Variants in TRHDE observed in about 807,000 individuals in gnomAD.
The protein encoded by TRHDE is thyrotropin releasing hormone degrading enzyme, also known as thyrotropin-releasing hormone-degrading ectoenzyme.
A neutral mutation model predicts 125.7 loss-of-function variants in TRHDE; 72 were observed. The ratio of observed to expected loss-of-function variants is 0.57; its 90% CI spans 0.47 to 0.70. The LOEUF (loss-of-function observed/expected upper bound fraction) is 0.70. TRHDE is among the 30% of genes least tolerant of loss of function. The probability of loss-of-function intolerance (pLI) is 0.00; values close to 1 mark genes in which losing one functional copy is unlikely to be tolerated. For synonymous variants in TRHDE, 509 were observed against 509.1 expected (o/e 1.00, Z 0.00); for missense variants, 1,110 against 1,327.1 (o/e 0.84, Z 2.54).
At chr12:72,444,529 C>T (rs1055441933) in intron 3 of TRHDE, among the ~76,000 whole-genome samples, 10 of 151,560 alleles carry the variant, frequency 6.6e-5, no homozygotes, top group Non-Finnish European at 8.8e-5. Flanking sequence ...CCAAGAAGTA[C>T]ATCCTGCTAA....
At chr12:72,179,919 G>C (rs563982982) in intron 2 of TRHDE, among the ~76,000 whole-genome samples, 12 of 152,124 alleles carry the variant, frequency 7.9e-5, no homozygotes, top group African/African-American at 2.6e-4. Context: ...GTTTCATAAA[G>C]GTACAGGCAG....
At chr12:72,201,738 A>G (rs537872465) in intron 2 of TRHDE, among the ~76,000 whole-genome samples, 1 of 152,304 alleles carries the variant, frequency 6.6e-6, no homozygotes, top group East Asian at 1.9e-4. Flanking sequence ...CATTAAAGGA[A>G]GCAGCAGTTA....
intron 18 of TRHDE, among the ~76,000 whole-genome samples, chr12:72,658,621 TACTG>T (rs375926249): frequency 5.9e-5 from 9 of 152,344 alleles, no homozygotes; most frequent in East Asian, 1.9e-4. Context: ...TTTTATCACA[TACTG>T]ACTGTTTTGT....
chr12:72,453,296 T>G (rs1875672330), intron 3 of TRHDE, among the ~76,000 whole-genome samples: 2 of 152,148 alleles, frequency 1.3e-5, no homozygotes. Flanking sequence ...CTTGGTTGGA[T>G]TGTGTAAATG....
intron 1 of TRHDE, among the ~76,000 whole-genome samples, chr12:72,275,543 T>A (rs1196933501): frequency 6.6e-6 from 1 of 152,240 alleles, no homozygotes; most frequent in East Asian, 1.9e-4. Context: ...CAAATTTGCA[T>A]ACTATGTTTA....
At chr12:72,607,601 T>C (rs1872500687) in intron 12 of TRHDE, among the ~76,000 whole-genome samples, 1 of 152,174 alleles carries the variant, frequency 6.6e-6, no homozygotes, top group South Asian at 2.1e-4. Context: ...GCATGCTCCA[T>C]AGTGACCAAT....
chr12:72,355,137 G>A (rs1050334394), intron 2 of TRHDE, among the ~76,000 whole-genome samples: 5 of 151,516 alleles, frequency 3.3e-5, no homozygotes, highest in East Asian at 1.9e-4. Context: ...CAAAAGGGAA[G>A]GTGCAAAATT....
intron 7 of TRHDE, among the ~76,000 whole-genome samples, chr12:72,551,345 C>A (rs1226547666): frequency 6.6e-6 from 1 of 152,108 alleles, no homozygotes; most frequent in African/African-American, 2.4e-5. Context: ...CCATTTGTTA[C>A]ACTGAATCTA....
chr12:72,365,991 G>A (rs1342487794), intron 2 of TRHDE, among the ~76,000 whole-genome samples: 1 of 151,898 alleles, frequency 6.6e-6, no homozygotes, highest in African/African-American at 2.4e-5. Context: ...CTCCATCTTT[G>A]CATCTTCACA....
chr12:72,528,652 C>T (rs1047171119), intron 6 of TRHDE, among the ~76,000 whole-genome samples: 1 of 152,026 alleles, frequency 6.6e-6, no homozygotes, highest in East Asian at 1.9e-4. Context: ...CCAAGCCTGG[C>T]TAATTTTTGT....
At position 72,272,691 on chromosome 12, in the gene TRHDE, G is replaced by A; in HGVS notation, c.48G>A (p.Lys16=). The change falls in exon 1 of 19, where the codon AAG becomes AAA. Residue 16 remains lysine, a synonymous_variant. Transcript: ENST00000261180. This position sits in a 1 kb window ranked among gnomAD's most constrained non-coding sequence, Gnocchi z 6.7. ...GGGAGCAAGAGGAGGAGAAGAAAAA[G>A]AAGAAGAAAAAGAAGAGGAAGAAGA... ...ELGEQEEEKK[K]KKKKKRKKKK... 1 of 1,367,254 alleles carries A rather than the reference G, an allele frequency of 7.3e-7. No homozygotes were observed. The highest frequency in any genetic ancestry group is 9.6e-7 in the Non-Finnish European group (1 of 1,040,308). The allele number at this position is 1,367,254 out of a possible 1,614,324, so 84.7% of individuals were successfully genotyped here.
intron 2 of TRHDE, among the ~76,000 whole-genome samples, chr12:72,362,615 G>A (rs375022862): frequency 0.01 from 1,549 of 150,464 alleles, 23 homozygotes; most frequent in African/African-American, 0.035. Context: ...TGCTTTTGGT[G>A]TTTTAGACAT....
chr12:72,365,801 C>T (rs1270431234), intron 2 of TRHDE, among the ~76,000 whole-genome samples: 1 of 152,150 alleles, frequency 6.6e-6, no homozygotes, highest in Non-Finnish European at 1.5e-5. Flanking sequence ...AGTGGCTTCA[C>T]ACAACACAAA....
chr12:72,117,914 T>C (rs1875486235), intron 2 of TRHDE, among the ~76,000 whole-genome samples: 2 of 152,058 alleles, frequency 1.3e-5, no homozygotes, highest in African/African-American at 4.8e-5. Flanking sequence ...CTTTAGTACG[T>C]TGATTTTGTA....
At position 72,664,879 on chromosome 12, in the gene TRHDE, A is replaced by G. The variant is rs965754530; in HGVS notation, c.*1684A>G. 1 of 152,118 alleles carries G rather than the reference A, an allele frequency of 6.6e-6. No homozygotes were observed. Among genetic ancestry groups the G allele is most frequent in the African/African-American group, 2.4e-5 (1 of 41,456 alleles). 9.4% of individuals were successfully genotyped at this position (152,118 alleles called of 1,614,324 possible). A position where few individuals can be genotyped will look rare whatever the true frequency, so the allele number is the denominator to read the frequency against. On this transcript the variant is annotated 3_prime_UTR_variant, in exon 19 of 19. Transcript: ENST00000261180. ...AAAGTACCACCTAAAACTGAATTTT[A>G]TCATATAAGCAAGTAATACCTATTA...
intron 7 of TRHDE, among the ~76,000 whole-genome samples, chr12:72,544,366 A>C (rs1051387028): frequency 2.6e-5 from 4 of 151,496 alleles, no homozygotes; most frequent in Non-Finnish European, 5.9e-5. Context: ...GTCTTGGTTT[A>C]CAAGTTGTTG....
chr12:72,336,556 A>G (rs575104635), intron 2 of TRHDE, among the ~76,000 whole-genome samples: 2 of 152,178 alleles, frequency 1.3e-5, no homozygotes, highest in East Asian at 3.9e-4. Flanking sequence ...GTATTAGTTC[A>G]TTTTTTGTTG....
At chr12:72,501,745 A>G (rs1420096035) in intron 6 of TRHDE, among the ~76,000 whole-genome samples, 1 of 152,082 alleles carries the variant, frequency 6.6e-6, no homozygotes, top group Non-Finnish European at 1.5e-5. Context: ...GAGAATTTGT[A>G]TAAAATTTAT....
At chr12:72,195,691 A>G (rs978527183) in intron 2 of TRHDE, among the ~76,000 whole-genome samples, 1 of 152,012 alleles carries the variant, frequency 6.6e-6, no homozygotes, top group Non-Finnish European at 1.5e-5. Flanking sequence ...TACTCTGTCA[A>G]TAGTTTCTTT....
Sources: allele counts gnomAD v4.1 joint callset (sites outside exome capture counted in the v4.1 genomes callset), GRCh38; gene constraint gnomAD v4.1.1; non-coding constraint Gnocchi (gnomAD v3.1); transcripts MANE v1.5; gene names NCBI Gene and HGNC (gene_info 2026-07-23, HGNC 2026-07-21).